COL11A2: variants seen among roughly 807,000 people sequenced by gnomAD.
COL11A2 encodes collagen type XI alpha 2 chain, also known as collagen alpha-2(XI) chain.
COL11A2 carries 116 observed loss-of-function variants against 273.4 expected under a neutral mutation model. The ratio of observed to expected loss-of-function variants is 0.42; its 90% CI spans 0.36 to 0.49. The LOEUF (loss-of-function observed/expected upper bound fraction) is 0.49, where lower values mean the gene tolerates loss of function less well. Ranked by LOEUF, COL11A2 falls within the 20% of genes least tolerant of loss-of-function variation. The probability of loss-of-function intolerance (pLI) is 0.00; values close to 1 mark genes in which losing one functional copy is unlikely to be tolerated. For synonymous variants in COL11A2, 782 were observed against 864.2 expected (o/e 0.90, Z 1.67); for missense variants, 1,866 against 2,309.0 (o/e 0.81, Z 3.93).
In COL11A2 at chr6:33,166,573, A is replaced by G; in HGVS notation, c.4339-7T>C. On this transcript the variant is annotated splice_region_variant and splice_polypyrimidine_tract_variant and intron_variant, in intron 59 of 65. Transcript: ENST00000341947. This position sits in a 1 kb window ranked among gnomAD's most constrained non-coding sequence, Gnocchi z 4.8. ...CGGATGCTCCTGGGATACCCTAGGA[A>G]GGGTAGTGGCTGGTTCAACTGGGTC... 1 of 1,613,824 alleles carries G rather than the reference A, an allele frequency of 6.2e-7. No homozygotes were observed. The highest frequency in any genetic ancestry group is 8.5e-7 in the Non-Finnish European group (1 of 1,179,860).
chr6:33,178,744 A>G lies in COL11A2; in HGVS notation c.1666-12T>C. 1 of 1,612,736 alleles carries G rather than the reference A, an allele frequency of 6.2e-7. No individual in the cohort carries two copies. Among genetic ancestry groups the G allele is most frequent in the Non-Finnish European group, 8.5e-7 (1 of 1,179,900 alleles). On this transcript the variant is annotated splice_polypyrimidine_tract_variant and intron_variant, in intron 17 of 65. Transcript: ENST00000341947. This position sits in a 1 kb window ranked among gnomAD's most constrained non-coding sequence, Gnocchi z 4.6. Reference sequence around the variant, plus strand: ...AAACCTCGGTCACCCTAGGAGGAGGAAGGATAGCCAGAGTGAGGACACGAC... The same window carrying G: ...AAACCTCGGTCACCCTAGGAGGAGGGAGGATAGCCAGAGTGAGGACACGAC...
Position 33,171,139 on chromosome 6 carries a change from C to A in COL11A2, c.3341G>T (p.Gly1114Val), listed in dbSNP as rs1395321487. ...HGPPGPPGPI[G>V]PVGQPGAAGA... ...CGCTGCTCCAGGCTGCCCCACAGGA[C>A]CAATGGGTCCAGGGGGTCCAGGAGG... Residue 1114 changes from glycine (G) to valine (V), a missense_variant, in exon 45 of 66, where the codon GGT becomes GTT. Transcript: ENST00000341947. 6.3e-7 allele frequency: 1 copy of A among 1,594,700 alleles called. No individual in the cohort carries two copies. The highest frequency in any genetic ancestry group is 8.5e-7 in the Non-Finnish European group (1 of 1,169,708).
upstream of COL11A2, chr6:33,193,440 A>C (rs1773510662): frequency 9.1e-6 from 1 of 110,302 alleles, no homozygotes; most frequent in Non-Finnish European, 1.8e-5. Flanking sequence ...TCCCCGACAA[A>C]GCTTGCCTTG....
chr6:33,168,871 T>C, intron 52 of COL11A2, 84 bp downstream of exon 52: 3 of 1,573,606 alleles, frequency 1.9e-6, no homozygotes, highest in Admixed American at 1.7e-5. Flanking sequence ...GGCTTCCCAA[T>C]ACCCAAGCCC....
rs368672816 is a variant in COL11A2, at chr6:33,173,471, C to T, written c.2682+31G>A. 7.4e-6 allele frequency: 12 copies of T among 1,612,026 alleles called. No homozygotes were observed. Among genetic ancestry groups the T allele is most frequent in the African/African-American group, 2.7e-5 (2 of 74,794 alleles). ...GGTAGGGAAGAAGGACTCAGAGAAG[C>T]GAGGTGGGTCAGAGCTCGGGGTCAA... is the stretch of plus-strand genomic sequence containing the variant. On this transcript the variant is annotated intron_variant, in intron 36 of 65. Coordinates refer to ENST00000341947, the MANE Select transcript of COL11A2 (RefSeq NM_080680.3). The surrounding 1 kb of genome is among the most constrained non-coding windows in gnomAD (Gnocchi z 6.3).
Position 33,164,159 on chromosome 6 carries a change from C to T in COL11A2, c.5070+108G>A, listed in dbSNP as rs544265001. 6.9e-5 allele frequency: 88 copies of T among 1,282,834 alleles called. No individual in the cohort carries two copies. The African/African-American group carries it at 9.4e-4, about 14-fold the overall frequency. The allele number at this position is 1,282,834 out of a possible 1,614,324, so 79.5% of individuals were successfully genotyped here. On this transcript the variant is annotated intron_variant, in intron 65 of 65. Coordinates refer to ENST00000341947, the MANE Select transcript of COL11A2 (RefSeq NM_080680.3). This position sits in a 1 kb window ranked among gnomAD's most constrained non-coding sequence, Gnocchi z 4.7. The stretch of plus-strand genomic sequence containing the variant: ...AGGCATCCCTGACAATCCAGCAGGA[C>T]GGACTCCTCCCTGCTCCCCCTGGGT...
Position 33,169,796 on chromosome 6 carries a change from G to A in COL11A2, c.3690+35C>T. 6.2e-7 allele frequency: 1 copy of A among 1,613,596 alleles called. No homozygotes were observed. The highest frequency in any genetic ancestry group is 8.5e-7 in the Non-Finnish European group (1 of 1,179,596). On this transcript the variant is annotated intron_variant, in intron 50 of 65. Coordinates refer to ENST00000341947, the MANE Select transcript of COL11A2 (RefSeq NM_080680.3). The surrounding 1 kb of genome is among the most constrained non-coding windows in gnomAD (Gnocchi z 5.5). ...GAGGCAGGGTTGAGGCGGGTGACGG[G>A]GACTGGGGAGTAAGGCCTTGGAGCT...
rs755626898 is a variant in COL11A2 at position 33,188,464 on chromosome 6, C to T, written c.504G>A (p.Lys168=). The T allele has an allele frequency of 3.1e-6, 5 of 1,613,064 alleles. No individual in the cohort carries two copies. The highest frequency in any genetic ancestry group is 4.2e-6 in the Non-Finnish European group (5 of 1,180,026). Residue 168 remains lysine (K), a synonymous_variant, in exon 4 of 66, where the codon AAG becomes AAA. Coordinates refer to ENST00000341947, the MANE Select transcript of COL11A2 (RefSeq NM_080680.3). ...GQSVTLIVDC[K]KRVTRPLPRS... ...GGGGGAGAGGCCGGGTGACTCGCTT[C>T]TTGCAGTCAACAATGAGGGTGACAG...
Position 33,173,596 on chromosome 6 carries a change from G to A in COL11A2, c.2629-41C>T, listed in dbSNP as rs774277266. On this transcript the variant is annotated intron_variant, in intron 35 of 65. Coordinates refer to ENST00000341947, the MANE Select transcript of COL11A2 (RefSeq NM_080680.3). The surrounding 1 kb of genome is among the most constrained non-coding windows in gnomAD (Gnocchi z 6.3). ...GGGGGAGTCAGGAGAATGGGGGCAG[G>A]GGCTGAGTGGGGGAACTCAGCTTCC... 1 of 1,198,276 alleles carries A rather than the reference G, an allele frequency of 8.3e-7. No homozygotes were observed. The highest frequency in any genetic ancestry group is 1.2e-6 in the Non-Finnish European group (1 of 834,674). 74.2% of individuals were successfully genotyped at this position (1,198,276 alleles called of 1,614,324 possible). A position where few individuals can be genotyped will look rare whatever the true frequency, so the allele number is the denominator to read the frequency against.
intron 41 of COL11A2, 97 bp downstream of exon 41, chr6:33,171,953 C>T: frequency 6.5e-7 from 1 of 1,548,260 alleles, no homozygotes; most frequent in Non-Finnish European, 8.9e-7. Flanking sequence ...CTCTGCCCAG[C>T]CCCACAGCCC....
chr6:33,189,059 C>T lies in COL11A2; in HGVS notation c.362G>A (p.Arg121His), dbSNP rs148765616. 1.9e-5 allele frequency: 31 copies of T among 1,614,058 alleles called. No individual in the cohort carries two copies. Among genetic ancestry groups the T allele is most frequent in the African/African-American group, 9.3e-5 (7 of 74,900 alleles). Reference protein sequence around the residue: ...QLGLELGRPVRFLYEDQTGRP... With the variant: ...QLGLELGRPVHFLYEDQTGRP... ...CCCAGTCTGGTCTTCATACAGGAAG[C>T]GGACAGGTCGGCCCAGCTCCAGGCC... is the stretch of plus-strand genomic sequence containing the variant. The change falls in exon 3 of 66, where the codon CGC becomes CAC. Residue 121 changes from arginine to histidine, a missense_variant. By Grantham distance (29) the Arg-to-His change is conservative. Coordinates refer to ENST00000341947, the MANE Select transcript of COL11A2 (RefSeq NM_080680.3). The surrounding 1 kb of genome is among the most constrained non-coding windows in gnomAD (Gnocchi z 5.6).
chr6:33,167,618 A>G lies in COL11A2; in HGVS notation c.4015-85T>C. Reference sequence around the variant, plus strand: ...CAGAGGGTCCAAGGTGGGAGGCAGGAGGCAGGGAGGAAGGGCCAAACTCTA... The same window carrying G: ...CAGAGGGTCCAAGGTGGGAGGCAGGGGGCAGGGAGGAAGGGCCAAACTCTA... On this transcript the variant is annotated intron_variant, in intron 55 of 65. Coordinates refer to ENST00000341947, the MANE Select transcript of COL11A2 (RefSeq NM_080680.3). This position sits in a 1 kb window ranked among gnomAD's most constrained non-coding sequence, Gnocchi z 6.1. 1 of 1,525,238 alleles carries G rather than the reference A, an allele frequency of 6.6e-7. No homozygotes were observed. Among genetic ancestry groups the G allele is most frequent in the East Asian group, 2.3e-5 (1 of 42,994 alleles). 94.5% of individuals were successfully genotyped at this position (1,525,238 alleles called of 1,614,324 possible).
At position 33,170,481 on chromosome 6, in the gene COL11A2, T is replaced by C; in HGVS notation, c.3528+76A>G. On this transcript the variant is annotated intron_variant, in intron 47 of 65. Coordinates refer to ENST00000341947, the MANE Select transcript of COL11A2 (RefSeq NM_080680.3). The surrounding 1 kb of genome is among the most constrained non-coding windows in gnomAD (Gnocchi z 4.3). Reference sequence around the variant, plus strand: ...AGCAGCCAGGCCAGGGAGTTGGCAGTGGGGTGTGGGGTGGGGGCTGGCCAG... The same window carrying C: ...AGCAGCCAGGCCAGGGAGTTGGCAGCGGGGTGTGGGGTGGGGGCTGGCCAG... 1 of 1,203,840 alleles carries C rather than the reference T, an allele frequency of 8.3e-7. No homozygotes were observed. The highest frequency in any genetic ancestry group is 2.0e-5 in the African/African-American group (1 of 50,054). The allele number at this position is 1,203,840 out of a possible 1,614,324, so 74.6% of individuals were successfully genotyped here. A position where few individuals can be genotyped will look rare whatever the true frequency, so the allele number is the denominator to read the frequency against.
rs954293012 is a variant in COL11A2 at position 33,179,614 on chromosome 6, G to A, written c.1446+105C>T. 1.3e-6 allele frequency: 2 copies of A among 1,487,956 alleles called. No individual in the cohort carries two copies. The highest frequency in any genetic ancestry group is 1.9e-5 in the Admixed American group (1 of 52,610). 92.2% of individuals were successfully genotyped at this position (1,487,956 alleles called of 1,614,324 possible). On this transcript the variant is annotated intron_variant, in intron 13 of 65. Transcript: ENST00000341947. This position sits in a 1 kb window ranked among gnomAD's most constrained non-coding sequence, Gnocchi z 6.4. ...GCCCAGGATTCTCCCCAACCTCCCT[G>A]TTAACCCCAAACCAACCCAGGCCTC...
chr6:33,167,796 C>T lies in COL11A2; in HGVS notation c.4014+3G>A. On this transcript the variant is annotated splice_donor_region_variant and intron_variant, in intron 55 of 65. Transcript: ENST00000341947. This position sits in a 1 kb window ranked among gnomAD's most constrained non-coding sequence, Gnocchi z 6.1. ...TCCAGCACTAGGGCAGCCTGTCCCT[C>T]ACCTTGGCTCCCTTCCCTCCTTGTC... is the stretch of plus-strand genomic sequence containing the variant. 6.2e-7 allele frequency: 1 copy of T among 1,612,828 alleles called. No individual in the cohort carries two copies. Among genetic ancestry groups the T allele is most frequent in the Non-Finnish European group, 8.5e-7 (1 of 1,179,934 alleles).
chr6:33,186,436 A>G, intron 5 of COL11A2, 191 bp downstream of exon 5: 3 of 1,441,734 alleles, frequency 2.1e-6, no homozygotes, highest in Non-Finnish European at 2.7e-6. Flanking sequence ...CACAGCTCCC[A>G]GCCACAAATT....
rs144062635 is a variant in COL11A2, at chr6:33,166,234, G to A, written c.4393-28C>T. The A allele has an allele frequency of 1.4e-3, 2,232 of 1,587,874 alleles. 6 individuals carry two copies. The highest frequency in any genetic ancestry group is 0.012 in the Middle Eastern group (71 of 6,002). On this transcript the variant is annotated intron_variant, in intron 60 of 65. Transcript: ENST00000341947. The surrounding 1 kb of genome is among the most constrained non-coding windows in gnomAD (Gnocchi z 4.8). Reference sequence around the variant, plus strand: ...GTGAAATGAGGAACAAGAAAGAGACGGTCACTGCAGGGGAAGGACAGGACT... The same window carrying A: ...GTGAAATGAGGAACAAGAAAGAGACAGTCACTGCAGGGGAAGGACAGGACT...
At chr6:33,192,481 C>T (rs533843327), upstream of COL11A2, 2,176 of 566,956 alleles carry the variant, frequency 3.8e-3, 19 homozygotes, top group Middle Eastern at 0.012. Context: ...CCCGGCCACC[C>T]TGGCGCCCAG....
Position 33,180,689 on chromosome 6 carries a change from T to C in COL11A2, c.1263A>G (p.Pro421=), listed in dbSNP as rs755261792. 8 of 1,610,836 alleles carry C rather than the reference T, an allele frequency of 5.0e-6. No individual in the cohort carries two copies. Among genetic ancestry groups the C allele is most frequent in the Non-Finnish European group, 6.8e-6 (8 of 1,179,108 alleles). ...GPPGIQGNPG[P]VGDPGERGPP... is the part of the protein sequence containing the mutation. ...TTACCCTCTCTCCAGGGTCTCCAAC[T>C]GGGCCTGGGTTCCCCTGGATGCCAG... is the stretch of plus-strand genomic sequence containing the variant. Residue 421 remains proline, a synonymous_variant, in exon 11 of 66, where the codon CCA becomes CCG. Coordinates refer to ENST00000341947, the MANE Select transcript of COL11A2 (RefSeq NM_080680.3).
Sources: gnomAD v4.1 joint callset for allele counts on GRCh38, gnomAD v4.1.1 for gene constraint, Gnocchi (gnomAD v3.1) non-coding constraint, MANE v1.5 for transcripts, NCBI Gene and HGNC (gene_info 2026-07-23, HGNC 2026-07-21) for gene names.